The following TAX1BP1 variants were observed in gnomAD, a reference collection of about 807,000 sequenced individuals.
TAX1BP1 encodes the protein Tax1 binding protein 1, also known as tax1-binding protein 1.
Under a neutral mutation model 97.7 loss-of-function variants are expected in TAX1BP1, and 62 were observed. That is an observed-to-expected ratio of 0.63 (90% CI 0.52 to 0.78). The LOEUF is 0.78. Among genes scored for constraint, TAX1BP1 ranks in the 30% least tolerant of loss-of-function variants. The pLI is 0.00. For missense variants in TAX1BP1, 867 were observed against 916.1 expected (o/e 0.95, Z 0.69); for synonymous variants, 340 against 304.2 (o/e 1.12, Z -1.23).
intron 4 of TAX1BP1, among the ~76,000 whole-genome samples, chr7:27,767,197 TATA>T (rs988949263): frequency 2.6e-5 from 4 of 152,140 alleles, no homozygotes; most frequent in Admixed American, 1.3e-4. Context: ...TGCCCTCTAT[TATA>T]ATAATAAGAA....
chr7:27,818,759 G>T (rs1460500646), intron 15 of TAX1BP1, among the ~76,000 whole-genome samples: 4 of 152,118 alleles, frequency 2.6e-5, no homozygotes, highest in Non-Finnish European at 5.9e-5. Flanking sequence ...GAACTCTTTA[G>T]ATAGAGTCAC....
chr7:27,741,081 A>T (rs752839071), intron 1 of TAX1BP1, among the ~76,000 whole-genome samples: 4 of 152,182 alleles, frequency 2.6e-5, no homozygotes, highest in Non-Finnish European at 4.4e-5. Context: ...CTGGCATTTG[A>T]CTTTAGACAT....
At chr7:27,747,550 A>C (rs1417097914) in intron 1 of TAX1BP1, among the ~76,000 whole-genome samples, 1 of 152,198 alleles carries the variant, frequency 6.6e-6, no homozygotes, top group Non-Finnish European at 1.5e-5. Flanking sequence ...TGGACCTATG[A>C]TGAAATGATA....
chr7:27,823,975 C>T (rs544412002), intron 15 of TAX1BP1, among the ~76,000 whole-genome samples: 3 of 152,228 alleles, frequency 2.0e-5, no homozygotes, highest in South Asian at 2.1e-4. Flanking sequence ...TAATATTCCA[C>T]CCTATGGATA....
At position 27,747,408 on chromosome 7, in the gene TAX1BP1, TA is replaced by T. The variant is rs150393308; in HGVS notation, c.-7-1108del. Among the ~76,000 whole-genome samples, 930 of 152,314 alleles carry T rather than the reference TA, an allele frequency of 6.1e-3. 6 individuals carry two copies. The highest frequency in any genetic ancestry group is 0.018 in the African/African-American group (745 of 41,564). ...AAGCCAGTGAGCGTTCATGAATCTCTAAGAGATTTTCAACAGTGTGTATTTT... is the reference window on the plus strand; with the variant it reads ...AAGCCAGTGAGCGTTCATGAATCTCTAGAGATTTTCAACAGTGTGTATTTT... On this transcript the variant is annotated intron_variant, in intron 1 of 16. Coordinates refer to ENST00000396319, the MANE Select transcript of TAX1BP1 (RefSeq NM_006024.7).
chr7:27,787,221 A>T (rs1789523210), intron 7 of TAX1BP1, among the ~76,000 whole-genome samples, 197 bp from the exon 8 acceptor site: 1 of 152,198 alleles, frequency 6.6e-6, no homozygotes, highest in South Asian at 2.1e-4. Flanking sequence ...GGAAAATAAA[A>T]AAGCTTAGAA....
chr7:27,827,907 C>T, intron 16 of TAX1BP1, 87 bp downstream of exon 16: 3 of 1,172,506 alleles, frequency 2.6e-6, no homozygotes, highest in South Asian at 1.3e-5. Flanking sequence ...TAGAAATGCA[C>T]ATGTGTAGGG....
At chr7:27,741,222 C>A (rs1000079904) in intron 1 of TAX1BP1, among the ~76,000 whole-genome samples, 1 of 152,194 alleles carries the variant, frequency 6.6e-6, no homozygotes, top group African/African-American at 2.4e-5. Context: ...ACGAGCTGTG[C>A]ACGAACAATT....
chr7:27,828,067 A>G (rs557876480), intron 16 of TAX1BP1, among the ~76,000 whole-genome samples: 2 of 152,356 alleles, frequency 1.3e-5, no homozygotes, highest in African/African-American at 4.8e-5. Flanking sequence ...ATTCAAATGC[A>G]TGTATTGTCT....
chr7:27,808,494 G>A (rs1790428490), intron 13 of TAX1BP1, among the ~76,000 whole-genome samples: 1 of 152,154 alleles, frequency 6.6e-6, no homozygotes, highest in Non-Finnish European at 1.5e-5. Flanking sequence ...TTGGTGGGTA[G>A]GGTGGAGGGT....
chr7:27,812,172 T>A (rs1790583186), intron 13 of TAX1BP1, among the ~76,000 whole-genome samples: 1 of 152,192 alleles, frequency 6.6e-6, no homozygotes, highest in South Asian at 2.1e-4. Context: ...TTTTTGTCAG[T>A]CTTTAATTTT....
chr7:27,796,875 A>G (rs1789954031), intron 12 of TAX1BP1, among the ~76,000 whole-genome samples: 1 of 152,056 alleles, frequency 6.6e-6, no homozygotes, highest in Non-Finnish European at 1.5e-5. Context: ...AATAAATAAA[A>G]TAAATTACTA....
chr7:27,776,551 TCTTA>T, intron 5 of TAX1BP1, among the ~76,000 whole-genome samples: 1 of 152,140 alleles, frequency 6.6e-6, no homozygotes, highest in Middle Eastern at 3.2e-3. Context: ...GTTTTTTTCC[TCTTA>T]CTATTTTTAA....
intron 1 of TAX1BP1, among the ~76,000 whole-genome samples, chr7:27,741,159 AAAAT>A (rs762449600): frequency 6.6e-6 from 1 of 152,240 alleles, no homozygotes; most frequent in African/African-American, 2.4e-5. Context: ...TTTAGATGGG[AAAAT>A]AAATCTTGAT....
intron 1 of TAX1BP1, among the ~76,000 whole-genome samples, chr7:27,747,247 A>G (rs955034949): frequency 1.3e-5 from 2 of 152,138 alleles, no homozygotes; most frequent in Non-Finnish European, 2.9e-5. Flanking sequence ...AACTCTACAG[A>G]TTGCTTTTTT....
At chr7:27,760,628 T>C (rs1374676606) in intron 3 of TAX1BP1, among the ~76,000 whole-genome samples, 1 of 151,664 alleles carries the variant, frequency 6.6e-6, no homozygotes, top group East Asian at 2.0e-4. Context: ...TCTCCTGACC[T>C]TGTGATCCGC....
Position 27,745,395 on chromosome 7 carries a change from A to T in TAX1BP1, c.-7-3123A>T, listed in dbSNP as rs569700497. 1.3e-4 allele frequency among the ~76,000 whole-genome samples: 19 copies of T among 151,542 alleles called. No individual in the cohort carries two copies. In the South Asian group the frequency reaches 4.0e-3, roughly 32 times the overall value. ...TCTGTAGGAGGAGTGAACCAGAGGA[A>T]CTATGTGGGAATTAGAAATTTTATT... is the stretch of plus-strand genomic sequence containing the variant. On this transcript the variant is annotated intron_variant, in intron 1 of 16. Coordinates refer to ENST00000396319, the MANE Select transcript of TAX1BP1 (RefSeq NM_006024.7).
At chr7:27,791,376 T>A (rs1789701156) in intron 8 of TAX1BP1, among the ~76,000 whole-genome samples, 1 of 152,192 alleles carries the variant, frequency 6.6e-6, no homozygotes, top group African/African-American at 2.4e-5. Context: ...TTAAAGGAAA[T>A]AATTTCACCA....
intron 3 of TAX1BP1, 90 bp downstream of exon 3, chr7:27,758,223 AT>A: frequency 9.7e-7 from 1 of 1,031,228 alleles, no homozygotes; most frequent in East Asian, 2.5e-5. Flanking sequence ...TTGTTCAGGT[AT>A]CTCCAGGGTA....
Sources: allele counts gnomAD v4.1 joint callset (sites outside exome capture counted in the v4.1 genomes callset), GRCh38; gene constraint gnomAD v4.1.1; transcripts MANE v1.5; gene names NCBI Gene and HGNC (gene_info 2026-07-23, HGNC 2026-07-21).